Variants in SNX11 observed in about 807,000 individuals in gnomAD.
SNX11 encodes sorting nexin 11.
A neutral mutation model predicts 30.7 loss-of-function variants in SNX11; 19 were observed. That is an observed-to-expected ratio of 0.62 (90% confidence interval 0.43 to 0.91). SNX11 has a LOEUF of 0.91. Ranked by LOEUF, SNX11 falls within the 40% of genes least tolerant of loss-of-function variation. The probability of loss-of-function intolerance (pLI) is 0.00; values close to 1 mark genes in which losing one functional copy is unlikely to be tolerated. For missense variants in SNX11, 302 were observed against 326.7 expected, an observed-to-expected ratio of 0.92 and a Z score of 0.58; for synonymous variants, 112 against 119.0, an observed-to-expected ratio of 0.94 and a Z score of 0.38.
intron 4 of SNX11, among the ~76,000 whole-genome samples, chr17:48,116,589 T>C (rs2063547957): frequency 6.6e-6 from 1 of 151,466 alleles, no homozygotes; most frequent in South Asian, 2.1e-4. Flanking sequence ...TTTTTTTTTT[T>C]TCTGAGGCGG....
rs2063574000 is a variant in SNX11 at position 48,119,068 on chromosome 17, G to A, written c.421G>A (p.Gly141Ser). 6.2e-7 allele frequency: 1 copy of A among 1,613,958 alleles called. No individual in the cohort carries two copies. Among genetic ancestry groups the A allele is most frequent in the African/African-American group, 1.3e-5 (1 of 74,898 alleles). Reference protein sequence around the residue: ...SVPEIEACVQGRSTMTVSDAI... With the variant: ...SVPEIEACVQSRSTMTVSDAI... ...GCCTGAGATAGAAGCCTGTGTCCAG[G>A]GCCGAAGTACCATGACTGTGTCTGA... The change falls in exon 6 of 7, where the codon GGC (glycine) becomes AGC (serine). Residue 141 changes from glycine to serine, a missense_variant. Physicochemically the swap from Gly to Ser is moderately conservative, Grantham distance 56. Coordinates refer to ENST00000359238, the MANE Select transcript of SNX11 (RefSeq NM_013323.3).
chr17:48,116,087 A>T (rs2144520090), intron 4 of SNX11, among the ~76,000 whole-genome samples: 1 of 151,948 alleles, frequency 6.6e-6, no homozygotes, highest in Middle Eastern at 3.4e-3. Flanking sequence ...GTGAAACCCC[A>T]TCTCTACTAA....
At chr17:48,112,191 C>T (rs1444907609) in intron 2 of SNX11, 106 bp downstream of exon 2, 1 of 1,022,914 alleles carries the variant, frequency 9.8e-7, no homozygotes, top group Non-Finnish European at 1.6e-6. Flanking sequence ...TGCAGTATTA[C>T]TTTGGTGGTT....
chr17:48,121,726 A>G lies in SNX11; in HGVS notation c.*218A>G. The G allele has an allele frequency of 1.8e-6, 1 of 562,892 alleles. No homozygotes were observed. The highest frequency in any genetic ancestry group is 2.3e-5 in the South Asian group (1 of 42,680). The allele number at this position is 562,892 out of a possible 1,614,324, so 34.9% of individuals were successfully genotyped here. ...GATGTTTGTAAGTTAAACATAAGAC[A>G]CAGGGGCTGTTGCTTTTGAACAGAA... On this transcript the variant is annotated 3_prime_UTR_variant, in exon 7 of 7. Coordinates refer to ENST00000359238, the MANE Select transcript of SNX11 (RefSeq NM_013323.3).
chr17:48,112,146 A>G, intron 2 of SNX11, 61 bp downstream of exon 2: 1 of 1,397,870 alleles, frequency 7.2e-7, no homozygotes, highest in Non-Finnish European at 1.0e-6. Context: ...TTAGGAGGAA[A>G]GAGGACATAG....
At position 48,123,115 on chromosome 17, in the gene SNX11, CT is replaced by C. The variant is rs1177416299; in HGVS notation, c.*1608del. On this transcript the variant is annotated 3_prime_UTR_variant, in exon 7 of 7. Coordinates refer to ENST00000359238, the MANE Select transcript of SNX11 (RefSeq NM_013323.3). The stretch of plus-strand genomic sequence containing the variant: ...CATCCCTCTTTCCTGCCCGCCTCCC[CT>C]GGGTCTCTCCTTTATATGATGCAGC... 6.6e-6 allele frequency: 1 copy of C among 152,250 alleles called. No homozygotes were observed. The highest frequency in any genetic ancestry group is 1.5e-5 in the Non-Finnish European group (1 of 68,068). 9.4% of individuals were successfully genotyped at this position (152,250 alleles called of 1,614,324 possible).
intron 6 of SNX11, 91 bp from the exon 7 acceptor site, chr17:48,121,144 C>A (rs1020073650): frequency 1.4e-6 from 2 of 1,392,470 alleles, no homozygotes; most frequent in Non-Finnish European, 2.0e-6. Context: ...TGCCAACATC[C>A]CTGGCTAATT....
At position 48,113,332 on chromosome 17, in the gene SNX11, C is replaced by G; in HGVS notation, c.161C>G (p.Ser54Cys). 6.2e-7 allele frequency: 1 copy of G among 1,613,662 alleles called. No homozygotes were observed. Among genetic ancestry groups the G allele is most frequent in the South Asian group, 1.1e-5 (1 of 91,066 alleles). Residue 54 changes from serine to cysteine, a missense_variant, in exon 4 of 7, where the codon TCC becomes TGC. Physicochemically the swap from Ser to Cys is moderately radical, Grantham distance 112 (BLOSUM62 -1). Coordinates refer to ENST00000359238, the MANE Select transcript of SNX11 (RefSeq NM_013323.3). ...AGCAAAGCCTTTACTGCCAAGACTT[C>G]CTGTGTGCGGCGCCGCTACCGTGAG... ...TNSKAFTAKTSCVRRRYREFV... is the reference protein window; with the variant it reads ...TNSKAFTAKTCCVRRRYREFV...
chr17:48,111,950 A>T, intron 1 of SNX11, 81 bp from the exon 2 acceptor site: 1 of 1,187,704 alleles, frequency 8.4e-7, no homozygotes, highest in South Asian at 1.3e-5. Flanking sequence ...TCTATTAAAA[A>T]CTTTCGGGGT....
rs1285479916 is a variant in SNX11 at position 48,121,229 on chromosome 17, T to C, written c.540-6T>C. ...CCTTTCTTTTCCCTTTCCCACTCTTTTCCAGTTGCTGCTTTCTTCCAAGAT... is the reference window on the plus strand; with the variant it reads ...CCTTTCTTTTCCCTTTCCCACTCTTCTCCAGTTGCTGCTTTCTTCCAAGAT... On this transcript the variant is annotated splice_polypyrimidine_tract_variant and splice_region_variant and intron_variant, in intron 6 of 6. Transcript: ENST00000359238. 2 of 1,613,972 alleles carry C rather than the reference T, an allele frequency of 1.2e-6. No homozygotes were observed. The highest frequency in any genetic ancestry group is 1.7e-6 in the Non-Finnish European group (2 of 1,179,900).
At position 48,121,512 on chromosome 17, in the gene SNX11, CTG is replaced by C; in HGVS notation, c.*5_*6del. The C allele has an allele frequency of 6.2e-7, 1 of 1,612,812 alleles. No individual in the cohort carries two copies. Among genetic ancestry groups the C allele is most frequent in the African/African-American group, 1.3e-5 (1 of 74,964 alleles). On this transcript the variant is annotated 3_prime_UTR_variant, in exon 7 of 7. Coordinates refer to ENST00000359238, the MANE Select transcript of SNX11 (RefSeq NM_013323.3). ...AGAAACAGTTTTGGAAAAGTGAGCT[CTG>C]GGTTCTGCTCTGAGATGGTCAGAGA...
intron 1 of SNX11, among the ~76,000 whole-genome samples, chr17:48,109,019 G>T (rs550173381): frequency 1.3e-5 from 2 of 151,788 alleles, no homozygotes; most frequent in Non-Finnish European, 2.9e-5. Flanking sequence ...TGCAGACTCC[G>T]CCTCCTGGGT....
chr17:48,121,833 T>G lies in SNX11; in HGVS notation c.*325T>G, dbSNP rs367921906. ...GGAGTATCTCCTCAGGTGACCAGTT[T>G]TGGGGACCCGTATGTGGCAAATTCT... On this transcript the variant is annotated 3_prime_UTR_variant, in exon 7 of 7. Coordinates refer to ENST00000359238, the MANE Select transcript of SNX11 (RefSeq NM_013323.3). The G allele has an allele frequency of 1.9e-5, 5 of 261,746 alleles. No homozygotes were observed. In the South Asian group the frequency reaches 4.0e-4, roughly 21 times the overall value. 16.2% of individuals were successfully genotyped at this position (261,746 alleles called of 1,614,324 possible).
In SNX11 at chr17:48,122,123, C is replaced by T. The variant is rs1416179509; in HGVS notation, c.*615C>T. The stretch of plus-strand genomic sequence containing the variant: ...AGACCTTAGCCTGGCTGAGTGGAGC[C>T]TGAGACCTGCACAACAGCTCATGGT... On this transcript the variant is annotated 3_prime_UTR_variant, in exon 7 of 7. Coordinates refer to ENST00000359238, the MANE Select transcript of SNX11 (RefSeq NM_013323.3). The T allele has an allele frequency of 6.5e-6, 1 of 154,658 alleles. No individual in the cohort carries two copies. Among genetic ancestry groups the T allele is most frequent in the East Asian group, 1.9e-4 (1 of 5,208 alleles). 9.6% of individuals were successfully genotyped at this position (154,658 alleles called of 1,614,324 possible).
intron 6 of SNX11, 79 bp from the exon 7 acceptor site, chr17:48,121,156 A>AT (rs1381149267): frequency 3.4e-6 from 5 of 1,471,320 alleles, no homozygotes; most frequent in Non-Finnish European, 3.7e-6. Flanking sequence ...TGGCTAATTT[A>AT]TTTTTTTGTA....
In SNX11 at chr17:48,121,103, A is replaced by G. The variant is rs2063596558; in HGVS notation, c.540-132A>G. The G allele has an allele frequency of 1.5e-5, 14 of 937,766 alleles. 1 individual carries two copies. The South Asian group carries it at 2.2e-4, about 14-fold the overall frequency. 58.1% of individuals were successfully genotyped at this position (937,766 alleles called of 1,614,324 possible). A position where few individuals can be genotyped will look rare whatever the true frequency, so the allele number is the denominator to read the frequency against. On this transcript the variant is annotated intron_variant, in intron 6 of 6. Transcript: ENST00000359238. ...AAGGCTCAAGCAATCTTCTGGCCTC[A>G]GCTTCCTGAGTAGTTGGGATTACAG...
intron 4 of SNX11, 126 bp from the exon 5 acceptor site, chr17:48,118,577 CA>C (rs35405067): frequency 0.18 from 84,656 of 471,932 alleles, no homozygotes; most frequent in Middle Eastern, 0.21. Flanking sequence ...GACTCCATCT[CA>C]AAAAAAAAAA....
chr17:48,118,976 TC>T lies in SNX11; in HGVS notation c.331del (p.Leu111CysfsTer25). 1 of 1,613,922 alleles carries T rather than the reference TC, an allele frequency of 6.2e-7. No individual in the cohort carries two copies. Among genetic ancestry groups the T allele is most frequent in the Non-Finnish European group, 8.5e-7 (1 of 1,179,990 alleles). Reference sequence around the variant, plus strand: ...TGTGCTACCTGTGTTTTTCCCAGGGTCCTGCAGAGTGTGGTTCTCCTGTCAG... The same window carrying T: ...TGTGCTACCTGTGTTTTTCCCAGGGTCTGCAGAGTGTGGTTCTCCTGTCAG... ...RQGLQHFLEK[V>X]LQSVVLLSDS... On this transcript the variant is annotated frameshift_variant, in exon 6 of 7. Transcript: ENST00000359238. LOFTEE classifies it high-confidence loss of function.
chr17:48,109,457 AC>A (rs2063468901), intron 1 of SNX11, among the ~76,000 whole-genome samples: 1 of 150,800 alleles, frequency 6.6e-6, no homozygotes, highest in Non-Finnish European at 1.5e-5. Context: ...AAGGGGTTTC[AC>A]CATGTTGGCC....
Sources: allele counts gnomAD v4.1 joint callset (sites outside exome capture counted in the v4.1 genomes callset), GRCh38; gene constraint gnomAD v4.1.1; transcripts MANE v1.5; gene names NCBI Gene and HGNC (gene_info 2026-07-23, HGNC 2026-07-21).